Variants in FBXO34 observed in about 807,000 individuals in gnomAD.
FBXO34 encodes F-box protein 34, also known as F-box only protein 34.
In FBXO34, 12 loss-of-function variants were observed where a neutral mutation model predicts 24.5. That is an observed-to-expected ratio of 0.49 (90% confidence interval 0.31 to 0.79). The LOEUF (loss-of-function observed/expected upper bound fraction) is 0.79. FBXO34 is among the 30% of genes least tolerant of loss of function. The pLI is 0.04. For synonymous variants in FBXO34, 320 were observed against 311.9 expected, an observed-to-expected ratio of 1.03 and a Z score of -0.27; for missense variants, 823 against 857.7, an observed-to-expected ratio of 0.96 and a Z score of 0.51.
At chr14:55,343,448 A>C (rs150512669) in intron 1 of FBXO34, among the ~76,000 whole-genome samples, 2,236 of 152,092 alleles carry the variant, frequency 0.015, 48 homozygotes, top group African/African-American at 0.051. Flanking sequence ...ATGGTGTTTC[A>C]TCATGTTGGC....
the FBXO34 span, among the ~76,000 whole-genome samples, chr14:55,399,962 T>C: frequency 6.6e-6 from 1 of 152,262 alleles, no homozygotes; most frequent in East Asian, 1.9e-4. Flanking sequence ...GCAGCAGGAA[T>C]AACAAACAAA....
At chr14:55,379,305 G>A in the FBXO34 span, among the ~76,000 whole-genome samples, 4 of 152,256 alleles carry the variant, frequency 2.6e-5, no homozygotes, top group Admixed American at 6.5e-5. Context: ...GGAGGCAGAG[G>A]AGGGCGGATC....
In FBXO34 at chr14:55,350,504, C is replaced by G. The variant is rs1337681168; in HGVS notation, c.114C>G (p.Cys38Trp). 1 of 1,613,842 alleles carries G rather than the reference C, an allele frequency of 6.2e-7. No individual in the cohort carries two copies. Reference protein sequence around the residue: ...NHQKAVNDETCKASHITSSVF... With the variant: ...NHQKAVNDETWKASHITSSVF... ...AAAAGGCTGTAAATGATGAAACATG[C>G]AAAGCTAGCCACATAACATCAAGTG... The change falls in exon 2 of 2, where the codon TGC (cysteine) becomes TGG (tryptophan). Residue 38 changes from cysteine to tryptophan, a missense_variant. Cys to Trp is a radical substitution (Grantham distance 215). Coordinates refer to ENST00000313833, the MANE Select transcript of FBXO34 (RefSeq NM_017943.4).
chr14:55,406,531 T>C, the FBXO34 span, among the ~76,000 whole-genome samples: 3 of 152,226 alleles, frequency 2.0e-5, no homozygotes, highest in African/African-American at 7.2e-5. Context: ...CTATTGACAG[T>C]CGGTAAAAAT....
intron 1 of FBXO34, among the ~76,000 whole-genome samples, chr14:55,294,902 A>T (rs557502661): frequency 6.6e-6 from 1 of 152,346 alleles, no homozygotes; most frequent in Non-Finnish European, 1.5e-5. Context: ...AAATAAATGC[A>T]TTTAATATAT....
the FBXO34 span, chr14:55,413,457 C>A: frequency 1.0e-5 from 2 of 195,482 alleles, no homozygotes; most frequent in Non-Finnish European, 2.1e-5. Context: ...TTTTTGGATA[C>A]AAAATGTAGT....
At chr14:55,404,773 C>G in the FBXO34 span, among the ~76,000 whole-genome samples, 1 of 152,080 alleles carries the variant, frequency 6.6e-6, no homozygotes. Context: ...TTTTTCTTTT[C>G]CGATACTGTT....
At chr14:55,388,035 G>A in the FBXO34 span, among the ~76,000 whole-genome samples, 1 of 152,074 alleles carries the variant, frequency 6.6e-6, no homozygotes, top group Non-Finnish European at 1.5e-5. Flanking sequence ...TACTTGGGAG[G>A]CTGAGGCAGG....
At chr14:55,278,228 G>A (rs1289101889) in intron 1 of FBXO34, among the ~76,000 whole-genome samples, 1 of 152,156 alleles carries the variant, frequency 6.6e-6, no homozygotes, top group African/African-American at 2.4e-5. Context: ...GCATTATTGA[G>A]TCTGCAGTAC....
chr14:55,419,777 A>G, the FBXO34 span, among the ~76,000 whole-genome samples: 1 of 152,232 alleles, frequency 6.6e-6, no homozygotes, highest in South Asian at 2.1e-4. Context: ...CATCTGTACT[A>G]TGGGCATTGG....
At chr14:55,424,137 A>G in the FBXO34 span, 1 of 1,563,110 alleles carries the variant, frequency 6.4e-7, no homozygotes, top group Admixed American at 1.7e-5. Context: ...TTTATGAGTC[A>G]GAAAATAATC....
chr14:55,339,407 A>C (rs1566562886), intron 1 of FBXO34: 1 of 129,068 alleles, frequency 7.7e-6, no homozygotes, highest in Non-Finnish European at 1.6e-5. Flanking sequence ...GATCTATGCT[A>C]ACCTGGTTCC....
At chr14:55,335,812 A>G (rs983522973) in intron 1 of FBXO34, among the ~76,000 whole-genome samples, 1 of 152,234 alleles carries the variant, frequency 6.6e-6, no homozygotes, top group Admixed American at 6.5e-5. Flanking sequence ...GATGAAATTT[A>G]TATCCATATA....
At chr14:55,404,394 G>A in the FBXO34 span, among the ~76,000 whole-genome samples, 1 of 152,144 alleles carries the variant, frequency 6.6e-6, no homozygotes, top group African/African-American at 2.4e-5. Context: ...TGCCCTCTGG[G>A]ATGTGCCATC....
At chr14:55,282,994 G>A (rs985477673) in intron 1 of FBXO34, among the ~76,000 whole-genome samples, 3 of 152,164 alleles carry the variant, frequency 2.0e-5, no homozygotes, top group Non-Finnish European at 2.9e-5. Flanking sequence ...TCAGTCATCA[G>A]GATTATTCTC....
the FBXO34 span, among the ~76,000 whole-genome samples, chr14:55,430,135 A>G: frequency 6.6e-6 from 1 of 152,116 alleles, no homozygotes; most frequent in East Asian, 1.9e-4. Flanking sequence ...GTATTTTTCA[A>G]CTGTTAGTGA....
chr14:55,439,788 G>A, the FBXO34 span, among the ~76,000 whole-genome samples: 5 of 151,706 alleles, frequency 3.3e-5, no homozygotes, highest in East Asian at 7.7e-4. Context: ...AAAATTAGCC[G>A]GGCGTAGTGG....
At chr14:55,431,351 G>A in the FBXO34 span, among the ~76,000 whole-genome samples, 1 of 152,186 alleles carries the variant, frequency 6.6e-6, no homozygotes, top group African/African-American at 2.4e-5. Flanking sequence ...TGTAATATGT[G>A]TAACATGAGC....
At chr14:55,421,431 G>A in the FBXO34 span, among the ~76,000 whole-genome samples, 1 of 152,094 alleles carries the variant, frequency 6.6e-6, no homozygotes, top group Non-Finnish European at 1.5e-5. Flanking sequence ...CATTCAAAAC[G>A]TTCTTGGATT....
Sources: allele counts gnomAD v4.1 joint callset (sites outside exome capture counted in the v4.1 genomes callset), GRCh38; gene constraint gnomAD v4.1.1; transcripts MANE v1.5; gene names NCBI Gene and HGNC (gene_info 2026-07-23, HGNC 2026-07-21).